Variants in TIGD4 observed in about 807,000 individuals in gnomAD.
TIGD4 encodes tigger transposable element-derived protein 4.
TIGD4 carries 20 observed loss-of-function variants against 24.9 expected under a neutral mutation model. That is an observed-to-expected ratio of 0.80 (90% confidence interval 0.56 to 1.17). The LOEUF is 1.17. Ranked by LOEUF, TIGD4 falls within the 50% of genes most tolerant of loss-of-function variation. The pLI is 0.00. For missense variants in TIGD4, 566 were observed against 591.0 expected (o/e 0.96, Z 0.44); for synonymous variants, 193 against 211.0 (o/e 0.91, Z 0.74).
In TIGD4 at chr4:152,775,923, C is replaced by T. The variant is rs182530801; in HGVS notation, c.-539+3559G>A. On this transcript the variant is annotated intron_variant, in intron 1 of 1. Transcript: ENST00000304337. ...GTCACTGGAGTTCATCTTAGAATTC[C>T]ACCTGCTACACGGGACTATTCCCTG... Among the ~76,000 whole-genome samples the T allele has an allele frequency of 2.3e-3, 350 of 152,226 alleles. 1 individual carries two copies. Among genetic ancestry groups the T allele is most frequent in the Non-Finnish European group, 3.5e-3 (235 of 68,008 alleles).
At chr4:152,772,301 A>AT (rs1730190831) in intron 1 of TIGD4, among the ~76,000 whole-genome samples, 1 of 152,168 alleles carries the variant, frequency 6.6e-6, no homozygotes, top group African/African-American at 2.4e-5. Context: ...CAGGAAGGAT[A>AT]GTGACCACAA....
At chr4:152,777,971 G>A (rs28730987) in intron 1 of TIGD4, among the ~76,000 whole-genome samples, 4 of 151,616 alleles carry the variant, frequency 2.6e-5, no homozygotes, top group Non-Finnish European at 5.9e-5. Context: ...CTTGCACAGC[G>A]TAATACTGTG....
chr4:152,774,454 C>T lies in TIGD4; in HGVS notation c.-538-2912G>A, dbSNP rs917031950. Among the ~76,000 whole-genome samples, 2 of 152,214 alleles carry T rather than the reference C, an allele frequency of 1.3e-5. 1 individual carries two copies. Reference sequence around the variant, plus strand: ...GAAGCTGACATTCTCCAAACTCCAACAGTATAACATCTGGGATATTCTTTT... The same window carrying T: ...GAAGCTGACATTCTCCAAACTCCAATAGTATAACATCTGGGATATTCTTTT... On this transcript the variant is annotated intron_variant, in intron 1 of 1. Coordinates refer to ENST00000304337, the MANE Select transcript of TIGD4 (RefSeq NM_145720.4).
intron 1 of TIGD4, among the ~76,000 whole-genome samples, chr4:152,778,515 C>G (rs1730305686): frequency 6.6e-6 from 1 of 152,192 alleles, no homozygotes; most frequent in Admixed American, 6.5e-5. Context: ...CCACAGTAAG[C>G]TATAACAATT....
At position 152,770,516 on chromosome 4, in the gene TIGD4, GT is replaced by G. The variant is rs1730149427; in HGVS notation, c.488del (p.Tyr163SerfsTer9). 2 of 1,612,610 alleles carry G rather than the reference GT, an allele frequency of 1.2e-6. No homozygotes were observed. On this transcript the variant is annotated frameshift_variant, in exon 2 of 2. Transcript: ENST00000304337. LOFTEE classifies it high-confidence loss of function. ...TTAAATAATAAGGAAGTACATTTTGGTACCAGACAGTCGAAGGGTCTACTGG... is the reference window on the plus strand; with the variant it reads ...TTAAATAATAAGGAAGTACATTTTGGACCAGACAGTCGAAGGGTCTACTGG... ...GVPVDPSTVW[Y>X]QNVLPYYLND... is the part of the protein sequence containing the mutation.
chr4:152,777,979 G>A (rs576729637), intron 1 of TIGD4, among the ~76,000 whole-genome samples: 1 of 152,072 alleles, frequency 6.6e-6, no homozygotes, highest in Non-Finnish European at 1.5e-5. Flanking sequence ...GCGTAATACT[G>A]TGGATGAGGA....
Position 152,770,806 on chromosome 4 carries a change from A to G in TIGD4, c.199T>C (p.Phe67Leu), listed in dbSNP as rs1225883009. The stretch of plus-strand genomic sequence containing the variant: ...TTTGGATCAAATCTTAGAGATTCAA[A>G]GGCTTCTAGAACTTTGTCTTTATTC... Reference protein sequence around the residue: ...MKNKDKVLEAFESLRFDPKRK... With the variant: ...MKNKDKVLEALESLRFDPKRK... The change falls in exon 2 of 2, where the codon TTT becomes CTT. Residue 67 changes from phenylalanine (F) to leucine (L), a missense_variant. Coordinates refer to ENST00000304337, the MANE Select transcript of TIGD4 (RefSeq NM_145720.4). 1 of 1,611,216 alleles carries G rather than the reference A, an allele frequency of 6.2e-7. No individual in the cohort carries two copies. The highest frequency in any genetic ancestry group is 1.3e-5 in the African/African-American group (1 of 74,614).
chr4:152,773,642 TA>T (rs71598212), intron 1 of TIGD4, among the ~76,000 whole-genome samples: 273 of 82,134 alleles, frequency 3.3e-3, no homozygotes, highest in East Asian at 0.023. Flanking sequence ...TCCAATGCCT[TA>T]AAAAAAAAAA....
chr4:152,778,882 C>T lies in TIGD4; in HGVS notation c.-539+600G>A, dbSNP rs192391471. On this transcript the variant is annotated intron_variant, in intron 1 of 1. Transcript: ENST00000304337. ...GTACGGTCTAAAGAAGGGTAAATCT[C>T]GCCGTGTGCACAGTTACCCTTCGCA... 4.6e-5 allele frequency among the ~76,000 whole-genome samples: 7 copies of T among 152,286 alleles called. No homozygotes were observed. The East Asian group carries it at 9.6e-4, about 21-fold the overall frequency.
chr4:152,770,361 G>A lies in TIGD4; in HGVS notation c.644C>T (p.Thr215Ile), dbSNP rs1730145073. Residue 215 changes from threonine to isoleucine, a missense_variant, in exon 2 of 2, where the codon ACT (threonine) becomes ATT (isoleucine). Thr to Ile is a moderately conservative substitution (Grantham distance 89). Coordinates refer to ENST00000304337, the MANE Select transcript of TIGD4 (RefSeq NM_145720.4). The part of the protein sequence containing the change: ...SVGKLCKDRI[T>I]LVVGTNMDGS... ...ATCCATGTTTGTGCCAACCACCAGA[G>A]TTATTCTGTCTTTGCATAACTTTCC... The A allele has an allele frequency of 6.2e-7, 1 of 1,614,116 alleles. No homozygotes were observed. The highest frequency in any genetic ancestry group is 8.5e-7 in the Non-Finnish European group (1 of 1,179,968).
chr4:152,772,501 T>G (rs1486598305), intron 1 of TIGD4, among the ~76,000 whole-genome samples: 1 of 152,198 alleles, frequency 6.6e-6, no homozygotes, highest in Non-Finnish European at 1.5e-5. Context: ...TATTGTGCAT[T>G]CAAAAAGATT....
In TIGD4 at chr4:152,770,519, CCAGA is replaced by C. The variant is rs1408657988; in HGVS notation, c.482_485del (p.Val161GlyfsTer10). 3 of 1,612,806 alleles carry C rather than the reference CCAGA, an allele frequency of 1.9e-6. No individual in the cohort carries two copies. Among genetic ancestry groups the C allele is most frequent in the Admixed American group, 1.7e-5 (1 of 59,830 alleles). ...AATAATAAGGAAGTACATTTTGGTA[CCAGA>C]CAGTCGAAGGGTCTACTGGTACACC... On this transcript the variant is annotated frameshift_variant, in exon 2 of 2. Transcript: ENST00000304337. LOFTEE classifies it high-confidence loss of function.
rs764438075 is a variant in TIGD4 at position 152,769,914 on chromosome 4, C to T, written c.1091G>A (p.Arg364Lys). 3.7e-6 allele frequency: 6 copies of T among 1,613,560 alleles called. No individual in the cohort carries two copies. Among genetic ancestry groups the T allele is most frequent in the South Asian group, 1.1e-5 (1 of 91,064 alleles). Residue 364 changes from arginine to lysine, a missense_variant, in exon 2 of 2, where the codon AGG becomes AAG. Coordinates refer to ENST00000304337, the MANE Select transcript of TIGD4 (RefSeq NM_145720.4). ...DAVDTLHLCW[R>K]AVTPETIVKS... ...AACAATAGTCTCTGGGGTTACAGCCCTCCAGCAAAGATGCAATGTATCAAC... is the reference window on the plus strand; with the variant it reads ...AACAATAGTCTCTGGGGTTACAGCCTTCCAGCAAAGATGCAATGTATCAAC...
chr4:152,771,743 T>A (rs1377027796), intron 1 of TIGD4, among the ~76,000 whole-genome samples: 1 of 152,194 alleles, frequency 6.6e-6, no homozygotes, highest in African/African-American at 2.4e-5. Context: ...TTCTACAGAT[T>A]TGAATTCTCA....
At chr4:152,775,510 T>C (rs1463169633) in intron 1 of TIGD4, among the ~76,000 whole-genome samples, 1 of 152,234 alleles carries the variant, frequency 6.6e-6, no homozygotes, top group Non-Finnish European at 1.5e-5. Flanking sequence ...CAGAATTCAG[T>C]TCCTTGCTGT....
In TIGD4 at chr4:152,770,165, T is replaced by C; in HGVS notation, c.840A>G (p.Gln280=). 1.9e-6 allele frequency: 3 copies of C among 1,614,152 alleles called. No individual in the cohort carries two copies. The highest frequency in any genetic ancestry group is 2.5e-6 in the Non-Finnish European group (3 of 1,179,968). Residue 280 remains glutamine, a synonymous_variant, in exon 2 of 2, where the codon CAA becomes CAG. Coordinates refer to ENST00000304337, the MANE Select transcript of TIGD4 (RefSeq NM_145720.4). ...RKLDEEFQAQ[Q]RRVVIFVESF... ...ACTCAACAAAAATCACCACTCTTCGTTGCTGGGCTTGAAATTCCTCATCAA... is the reference window on the plus strand; with the variant it reads ...ACTCAACAAAAATCACCACTCTTCGCTGCTGGGCTTGAAATTCCTCATCAA...
At chr4:152,772,260 G>C (rs921664822) in intron 1 of TIGD4, among the ~76,000 whole-genome samples, 2 of 151,992 alleles carry the variant, frequency 1.3e-5, no homozygotes, top group Non-Finnish European at 2.9e-5. Flanking sequence ...AATTAGGAGA[G>C]TATAATGCAG....
chr4:152,773,563 A>C (rs557721841), intron 1 of TIGD4, among the ~76,000 whole-genome samples: 1 of 150,418 alleles, frequency 6.6e-6, no homozygotes, highest in African/African-American at 2.5e-5. Context: ...TCTTTGAATC[A>C]CACTGGTGGG....
In TIGD4 at chr4:152,771,125, G is replaced by A; in HGVS notation, c.-121C>T. 2.4e-6 allele frequency: 3 copies of A among 1,250,242 alleles called. No homozygotes were observed. Among genetic ancestry groups the A allele is most frequent in the South Asian group, 4.2e-5 (2 of 47,352 alleles). 77.4% of individuals were successfully genotyped at this position (1,250,242 alleles called of 1,614,324 possible). A position where few individuals can be genotyped will look rare whatever the true frequency, so the allele number is the denominator to read the frequency against. On this transcript the variant is annotated 5_prime_UTR_variant, in exon 2 of 2. Transcript: ENST00000304337. ...TTCTATCCTACTTTATACACTAAAA[G>A]TTGGTGTCTAATAGTCTTATTTTGT...
Sources: allele counts gnomAD v4.1 joint callset (sites outside exome capture counted in the v4.1 genomes callset), GRCh38; gene constraint gnomAD v4.1.1; transcripts MANE v1.5; gene names NCBI Gene and HGNC (gene_info 2026-07-23, HGNC 2026-07-21).